The following ANKRD31 variants were observed in gnomAD, a reference collection of about 807,000 sequenced individuals.
ANKRD31 encodes ankyrin repeat domain-containing protein 31.
A neutral mutation model predicts 186.0 loss-of-function variants in ANKRD31; 147 were observed. That is an observed-to-expected ratio of 0.79 (90% CI 0.69 to 0.91). ANKRD31 has a LOEUF of 0.91. ANKRD31 is among the 40% of genes least tolerant of loss of function. The pLI is 0.00. For synonymous variants in ANKRD31, 673 were observed against 736.4 expected, an observed-to-expected ratio of 0.91 and a Z score of 1.39; for missense variants, 1,986 against 2,148.8, an observed-to-expected ratio of 0.92 and a Z score of 1.50.
intron 3 of ANKRD31, 52 bp downstream of exon 3, chr5:75,222,197 G>T: frequency 7.6e-7 from 1 of 1,319,204 alleles, no homozygotes; most frequent in South Asian, 1.4e-5. Flanking sequence ...CACTCTGAGC[G>T]ATAGCATTTC....
intron 22 of ANKRD31, among the ~76,000 whole-genome samples, chr5:75,093,629 A>G (rs1375061653): frequency 6.6e-6 from 1 of 152,206 alleles, no homozygotes; most frequent in Non-Finnish European, 1.5e-5. Context: ...AGACAAGGAG[A>G]AAATATTAAA....
chr5:75,198,371 C>A lies in ANKRD31; in HGVS notation c.447+1260G>T, dbSNP rs540060403. Among the ~76,000 whole-genome samples, 145 of 152,106 alleles carry A rather than the reference C, an allele frequency of 9.5e-4. 2 individuals carry two copies. The highest frequency in any genetic ancestry group is 8.2e-4 in the Non-Finnish European group (56 of 68,018). ...GCAGGCCCATTTGCTTGATAACATA[C>A]AAAGCCTAGTGTCTTGCAAAAATGA... On this transcript the variant is annotated intron_variant, in intron 6 of 25. Transcript: ENST00000506364.
chr5:75,176,596 C>T (rs188119371), intron 10 of ANKRD31, among the ~76,000 whole-genome samples: 176 of 152,302 alleles, frequency 1.2e-3, no homozygotes, highest in Non-Finnish European at 2.1e-3. Context: ...CTTCTGCAGC[C>T]ACTGCTGCTG....
chr5:75,173,633 T>C (rs1026166697), intron 10 of ANKRD31, among the ~76,000 whole-genome samples: 3 of 152,124 alleles, frequency 2.0e-5, no homozygotes, highest in Admixed American at 6.5e-5. Flanking sequence ...CCATTCACAA[T>C]TGCTACAAAG....
At chr5:75,157,800 A>C (rs1456473567) in intron 11 of ANKRD31, among the ~76,000 whole-genome samples, 1 of 152,224 alleles carries the variant, frequency 6.6e-6, no homozygotes, top group East Asian at 1.9e-4. Flanking sequence ...TGTCTGCAGA[A>C]ACACTGCATC....
At chr5:75,163,705 A>C (rs2150178281) in intron 11 of ANKRD31, among the ~76,000 whole-genome samples, 1 of 152,312 alleles carries the variant, frequency 6.6e-6, no homozygotes, top group East Asian at 1.9e-4. Context: ...CTTATGTAAG[A>C]AAGTCAGCTG....
At chr5:75,171,916 T>A (rs1425409817) in intron 10 of ANKRD31, among the ~76,000 whole-genome samples, 3 of 151,552 alleles carry the variant, frequency 2.0e-5, no homozygotes, top group African/African-American at 7.3e-5. Context: ...GAAGACTTCT[T>A]AACTTATGAG....
At chr5:75,116,989 T>G (rs1236886316) in intron 18 of ANKRD31, among the ~76,000 whole-genome samples, 1 of 152,176 alleles carries the variant, frequency 6.6e-6, no homozygotes, top group Admixed American at 6.6e-5. Flanking sequence ...GTTCAAGAAG[T>G]TGCCCAATGT....
chr5:75,096,330 A>C (rs370701987), intron 22 of ANKRD31, among the ~76,000 whole-genome samples: 76 of 152,126 alleles, frequency 5.0e-4, no homozygotes, highest in Admixed American at 1.6e-3. Flanking sequence ...AGAAGTGTCC[A>C]TGTCCTTTGC....
chr5:75,075,680 C>A (rs1407344702), intron 25 of ANKRD31, among the ~76,000 whole-genome samples: 2 of 152,114 alleles, frequency 1.3e-5, no homozygotes, highest in Non-Finnish European at 2.9e-5. Flanking sequence ...AAGCTTTGGG[C>A]CAGTGAAGAG....
At chr5:75,184,938 G>A (rs1754595731) in intron 10 of ANKRD31, among the ~76,000 whole-genome samples, 1 of 152,078 alleles carries the variant, frequency 6.6e-6, no homozygotes, top group Non-Finnish European at 1.5e-5. Context: ...ATTCACAATA[G>A]CCAAGATATG....
chr5:75,154,355 G>T lies in ANKRD31; in HGVS notation c.1708-10C>A, dbSNP rs1324592759. On this transcript the variant is annotated splice_polypyrimidine_tract_variant and intron_variant, in intron 11 of 25. Transcript: ENST00000506364. ...GAAGTAACTCTGCCACCTAGAAAAA[G>T]GTTATTTATGTAAGGGAACCCAGAT... The T allele has an allele frequency of 2.6e-5, 40 of 1,523,936 alleles. No individual in the cohort carries two copies. Among genetic ancestry groups the T allele is most frequent in the Non-Finnish European group, 3.3e-5 (38 of 1,140,976 alleles). 94.4% of individuals were successfully genotyped at this position (1,523,936 alleles called of 1,614,324 possible).
At chr5:75,076,094 C>T (rs1744622769) in intron 25 of ANKRD31, among the ~76,000 whole-genome samples, 1 of 152,126 alleles carries the variant, frequency 6.6e-6, no homozygotes, top group Admixed American at 6.6e-5. Context: ...TTACTCATGA[C>T]ACTTTGACAC....
chr5:75,226,998 C>T (rs1037089976), intron 2 of ANKRD31, among the ~76,000 whole-genome samples: 1 of 151,586 alleles, frequency 6.6e-6, no homozygotes, highest in Admixed American at 6.6e-5. Context: ...TTTTTTTTAG[C>T]ACTATCCACA....
intron 25 of ANKRD31, among the ~76,000 whole-genome samples, chr5:75,072,074 CCAATA>C (rs1369760564): frequency 2.6e-5 from 4 of 152,192 alleles, no homozygotes; most frequent in African/African-American, 9.7e-5. Flanking sequence ...GCCAGATTAC[CCAATA>C]CAATTTACTT....
rs1748162918 is a variant in ANKRD31 at position 75,115,574 on chromosome 5, C to A, written c.4155+992G>T. Among the ~76,000 whole-genome samples the A allele has an allele frequency of 5.3e-5, 8 of 151,532 alleles. No homozygotes were observed. The South Asian group carries it at 1.5e-3, about 28-fold the overall frequency. On this transcript the variant is annotated intron_variant, in intron 19 of 25. Coordinates refer to ENST00000506364, the MANE Select transcript of ANKRD31 (RefSeq NM_001372053.1). Reference sequence around the variant, plus strand: ...AACAAATTTACAAGAAAAAAACAAACAACCCCATCAAAAAGTGGGCAAAGG... The same window carrying A: ...AACAAATTTACAAGAAAAAAACAAAAAACCCCATCAAAAAGTGGGCAAAGG...
intron 22 of ANKRD31, among the ~76,000 whole-genome samples, chr5:75,095,741 A>C (rs1195495748): frequency 6.6e-6 from 1 of 152,182 alleles, no homozygotes; most frequent in Non-Finnish European, 1.5e-5. Flanking sequence ...ATACTGTTAT[A>C]ATCATTTCTT....
At chr5:75,198,519 G>A (rs945511282) in intron 6 of ANKRD31, among the ~76,000 whole-genome samples, 1 of 152,076 alleles carries the variant, frequency 6.6e-6, no homozygotes. Context: ...TGTGCATTGG[G>A]GAACTTTAGG....
chr5:75,104,123 A>G, intron 22 of ANKRD31, 105 bp downstream of exon 22: 1 of 1,004,868 alleles, frequency 1.0e-6, no homozygotes, highest in Non-Finnish European at 1.4e-6. Context: ...GCTCAGCAAA[A>G]CCCCATTTCC....
Sources: gnomAD v4.1 joint callset for allele counts (sites outside exome capture counted in the v4.1 genomes callset) on GRCh38, gnomAD v4.1.1 for gene constraint, MANE v1.5 for transcripts, NCBI Gene and HGNC (gene_info 2026-07-23, HGNC 2026-07-21) for gene names.